The following IRF2BP2 variants were observed in gnomAD, a reference collection of about 807,000 sequenced individuals.
IRF2BP2 encodes the protein interferon regulatory factor 2 binding protein 2.
A neutral mutation model predicts 32.7 loss-of-function variants in IRF2BP2; 13 were observed. That is an observed-to-expected ratio of 0.40 (90% CI 0.26 to 0.63). IRF2BP2 has a LOEUF of 0.63. Among genes scored for constraint, IRF2BP2 ranks in the 30% least tolerant of loss-of-function variants. The probability of loss-of-function intolerance (pLI) is 0.42; values close to 1 mark genes in which losing one functional copy is unlikely to be tolerated. For missense variants in IRF2BP2, 980 were observed against 830.6 expected, an observed-to-expected ratio of 1.18 and a Z score of -2.21; for synonymous variants, 555 against 384.6, an observed-to-expected ratio of 1.44 and a Z score of -5.18.
Position 234,608,806 on chromosome 1 carries a change from G to C in IRF2BP2, c.689C>G (p.Thr230Ser). The C allele has an allele frequency of 7.1e-7, 1 of 1,409,242 alleles. No homozygotes were observed. The highest frequency in any genetic ancestry group is 9.2e-7 in the Non-Finnish European group (1 of 1,090,568). 87.3% of individuals were successfully genotyped at this position (1,409,242 alleles called of 1,614,324 possible). A position where few individuals can be genotyped will look rare whatever the true frequency, so the allele number is the denominator to read the frequency against. ...CGGCCGCTTGTGGGCGCCCAGATCG[G>C]TGGGCTGCGCGGAGCCCAGGCTGGC... Reference protein sequence around the residue: ...AAASLGSAQPTDLGAHKRPAS... With the variant: ...AAASLGSAQPSDLGAHKRPAS... Residue 230 changes from threonine (T) to serine (S), a missense_variant, in exon 1 of 2, where the codon ACC becomes AGC. Physicochemically the swap from Thr to Ser is moderately conservative, Grantham distance 58. Transcript: ENST00000366609.
rs1672128914 is a variant in IRF2BP2, at chr1:234,605,304, A to G, written c.*1833T>C. On this transcript the variant is annotated 3_prime_UTR_variant, in exon 2 of 2. Transcript: ENST00000366609. ...ACATAAGAGAGACCAGTCTGCACTG[A>G]GTCATATATACTCCAACTTGAAAAA... The G allele has an allele frequency of 1.3e-5, 2 of 152,264 alleles. No homozygotes were observed. The highest frequency in any genetic ancestry group is 2.9e-5 in the Non-Finnish European group (2 of 68,044). 9.4% of individuals were successfully genotyped at this position (152,264 alleles called of 1,614,324 possible). A position where few individuals can be genotyped will look rare whatever the true frequency, so the allele number is the denominator to read the frequency against.
At position 234,609,272 on chromosome 1, in the gene IRF2BP2, C is replaced by G; in HGVS notation, c.223G>C (p.Ala75Pro). ...GGCTTGGCGGCGGCCGAGGCCGCGG[C>G]GCCGGGTGGGGAGCGACCCTCCGGG... The part of the protein sequence containing the change: ...CFPEGRSPPG[A>P]AASAAAKPPP... The change falls in exon 1 of 2, where the codon GCC (alanine) becomes CCC (proline). Residue 75 changes from alanine (A) to proline (P), a missense_variant. Transcript: ENST00000366609. 1 of 1,397,484 alleles carries G rather than the reference C, an allele frequency of 7.2e-7. No homozygotes were observed. The highest frequency in any genetic ancestry group is 1.6e-5 in the South Asian group (1 of 63,410). 86.6% of individuals were successfully genotyped at this position (1,397,484 alleles called of 1,614,324 possible).
At position 234,609,682 on chromosome 1, in the gene IRF2BP2, C is replaced by A. The variant is rs1257941169; in HGVS notation, c.-188G>T. Among the ~76,000 whole-genome samples the A allele has an allele frequency of 6.9e-6, 1 of 144,334 alleles. No homozygotes were observed. Among genetic ancestry groups the A allele is most frequent in the Non-Finnish European group, 1.5e-5 (1 of 65,006 alleles). 94.7% of individuals were successfully genotyped at this position (144,334 alleles called of 152,430 possible). On this transcript the variant is annotated 5_prime_UTR_variant, in exon 1 of 2. Transcript: ENST00000366609. Reference sequence around the variant, plus strand: ...CCGCGAAGGCTCGGCGCCCGCGCAGCGCCCCCGGTGCACGAGGGGCGGCGG... The same window carrying A: ...CCGCGAAGGCTCGGCGCCCGCGCAGAGCCCCCGGTGCACGAGGGGCGGCGG...
chr1:234,608,626 C>T lies in IRF2BP2; in HGVS notation c.869G>A (p.Ser290Asn), dbSNP rs747213968. The change falls in exon 1 of 2, where the codon AGC becomes AAC. Residue 290 changes from serine to asparagine, a missense_variant. Transcript: ENST00000366609. ...CCAGTCCTGCTCTCCAGACCCGCGG[C>T]TCTTGCCCGCACCTTCCGCGCTCAG... is the stretch of plus-strand genomic sequence containing the variant. ...AELSAEGAGK[S>N]RGSGEQDWVN... 1.3e-6 allele frequency: 2 copies of T among 1,571,026 alleles called. No individual in the cohort carries two copies. The highest frequency in any genetic ancestry group is 1.4e-5 in the African/African-American group (1 of 71,886).
chr1:234,608,508 C>CGAG lies in IRF2BP2; in HGVS notation c.986_987insCTC (p.Pro329_Ala330insSer). On this transcript the variant is annotated inframe_insertion, in exon 1 of 2. Transcript: ENST00000366609. Reference sequence around the variant, plus strand: ...CCAACAACCTGCCTGCAGTCAGGGCCGGCTCCTTCTTAAACTTGCTCTCGA... The same window carrying CGAG: ...CCAACAACCTGCCTGCAGTCAGGGCCGAGGGCTCCTTCTTAAACTTGCTCTCGA... The CGAG allele has an allele frequency of 6.2e-7, 1 of 1,609,826 alleles. No individual in the cohort carries two copies. Among genetic ancestry groups the CGAG allele is most frequent in the East Asian group, 2.2e-5 (1 of 44,688 alleles).
At position 234,606,979 on chromosome 1, in the gene IRF2BP2, T is replaced by C. The variant is rs966886803; in HGVS notation, c.*158A>G. 36 of 597,492 alleles carry C rather than the reference T, an allele frequency of 6.0e-5. No individual in the cohort carries two copies. The highest frequency in any genetic ancestry group is 2.8e-4 in the African/African-American group (15 of 53,984). The allele number at this position is 597,492 out of a possible 1,614,324, so 37.0% of individuals were successfully genotyped here. A position where few individuals can be genotyped will look rare whatever the true frequency, so the allele number is the denominator to read the frequency against. ...ATACCTTTTGTCGTCAAAAAAAATA[T>C]AGAAACACAATGTATTCAAAAAAAA... is the stretch of plus-strand genomic sequence containing the variant. On this transcript the variant is annotated 3_prime_UTR_variant, in exon 2 of 2. Coordinates refer to ENST00000366609, the MANE Select transcript of IRF2BP2 (RefSeq NM_182972.3).
rs1250308376 is a variant in IRF2BP2, at chr1:234,609,520, G to A, written c.-26C>T. 24 of 1,383,676 alleles carry A rather than the reference G, an allele frequency of 1.7e-5. 1 individual carries two copies. The highest frequency in any genetic ancestry group is 5.4e-5 in the Admixed American group (2 of 36,960). 85.7% of individuals were successfully genotyped at this position (1,383,676 alleles called of 1,614,324 possible). On this transcript the variant is annotated 5_prime_UTR_variant, in exon 1 of 2. Transcript: ENST00000366609. The stretch of plus-strand genomic sequence containing the variant: ...GTCCGAGGAGCCCGCGACGCCGGAG[G>A]AGGAGGCGGAGGAGGAGGAGGGGGC...
intron 1 of IRF2BP2, among the ~76,000 whole-genome samples, 165 bp downstream of exon 1, chr1:234,608,282 A>C (rs578039224): frequency 1.6e-4 from 25 of 152,370 alleles, no homozygotes; most frequent in African/African-American, 5.5e-4. Context: ...GCTTCAGCAC[A>C]TGAACACGTT....
chr1:234,608,009 T>A (rs145670637), intron 1 of IRF2BP2, 157 bp from the exon 2 acceptor site: 3 of 625,698 alleles, frequency 4.8e-6, no homozygotes, highest in Non-Finnish European at 8.2e-6. Context: ...CAGGTGCACA[T>A]GCAACTTAAA....
At position 234,607,527 on chromosome 1, in the gene IRF2BP2, C is replaced by G. The variant is rs1454553100; in HGVS notation, c.1374G>C (p.Pro458=). The G allele has an allele frequency of 2.5e-6, 4 of 1,614,026 alleles. No homozygotes were observed. The highest frequency in any genetic ancestry group is 3.4e-6 in the Non-Finnish European group (4 of 1,179,980). The change falls in exon 2 of 2, where the codon CCG becomes CCC. Residue 458 remains proline (P), a synonymous_variant. Coordinates refer to ENST00000366609, the MANE Select transcript of IRF2BP2 (RefSeq NM_182972.3). ...HSTTRRNSNS[P]PSPSSMNQRR... is the part of the protein sequence containing the mutation. Reference sequence around the variant, plus strand: ...TTTGGTTCATAGAGGACGGAGAGGGCGGACTGTTGCTATTCCTCCTGGTAG... The same window carrying G: ...TTTGGTTCATAGAGGACGGAGAGGGGGGACTGTTGCTATTCCTCCTGGTAG...
Position 234,607,262 on chromosome 1 carries a change from C to G in IRF2BP2, c.1639G>C (p.Val547Leu). The change falls in exon 2 of 2, where the codon GTC becomes CTC. Residue 547 changes from valine to leucine, a missense_variant. Transcript: ENST00000366609. ...SIKQQGASGEVYCPSGEKCPL... is the reference protein window; with the variant it reads ...SIKQQGASGELYCPSGEKCPL... Reference sequence around the variant, plus strand: ...CATTTTTCCCCACTGGGACAATAGACCTCTCCACTAGCTCCCTGCTGTTTG... The same window carrying G: ...CATTTTTCCCCACTGGGACAATAGAGCTCTCCACTAGCTCCCTGCTGTTTG... The G allele has an allele frequency of 1.2e-6, 2 of 1,614,218 alleles. No individual in the cohort carries two copies. Among genetic ancestry groups the G allele is most frequent in the Non-Finnish European group, 1.7e-6 (2 of 1,180,036 alleles).
rs1365641223 is a variant in IRF2BP2 at position 234,604,912 on chromosome 1, C to A, written c.*2225G>T. 1 of 152,184 alleles carries A rather than the reference C, an allele frequency of 6.6e-6. No individual in the cohort carries two copies. The highest frequency in any genetic ancestry group is 1.5e-5 in the Non-Finnish European group (1 of 68,022). 9.4% of individuals were successfully genotyped at this position (152,184 alleles called of 1,614,324 possible). A position where few individuals can be genotyped will look rare whatever the true frequency, so the allele number is the denominator to read the frequency against. On this transcript the variant is annotated 3_prime_UTR_variant, in exon 2 of 2. Transcript: ENST00000366609. ...CACCCAAAGGCCAGTCAGACTCGTGCAGATCTTATTTTTTAATAGTAGTAA... is the reference window on the plus strand; with the variant it reads ...CACCCAAAGGCCAGTCAGACTCGTGAAGATCTTATTTTTTAATAGTAGTAA...
rs148187914 is a variant in IRF2BP2, at chr1:234,609,143, G to A, written c.352C>T (p.Pro118Ser). Residue 118 changes from proline (P) to serine (S), a missense_variant, in exon 1 of 2, where the codon CCG (proline) becomes TCG (serine). By Grantham distance (74) the Pro-to-Ser change is moderately conservative. Transcript: ENST00000366609. The part of the protein sequence containing the change: ...PRAPQALERY[P>S]LAAAAERPPR... ...GGCCTCTCGGCCGCGGCCGCCAACG[G>A]GTAGCGCTCCAAGGCCTGCGGCGCG... is the stretch of plus-strand genomic sequence containing the variant. 0.016 allele frequency: 20,301 copies of A among 1,241,446 alleles called. 214 individuals are homozygous for A. The highest frequency in any genetic ancestry group is 0.034 in the Middle Eastern group (106 of 3,150). 76.9% of individuals were successfully genotyped at this position (1,241,446 alleles called of 1,614,324 possible).
rs1258774241 is a variant in IRF2BP2 at position 234,609,919 on chromosome 1, G to GCGGGGAGGC, written c.-434_-426dup. Among the ~76,000 whole-genome samples the GCGGGGAGGC allele has an allele frequency of 4.2e-5, 6 of 141,342 alleles. No homozygotes were observed. Among genetic ancestry groups the GCGGGGAGGC allele is most frequent in the African/African-American group, 1.3e-4 (5 of 39,600 alleles). 92.7% of individuals were successfully genotyped at this position (141,342 alleles called of 152,430 possible). A position where few individuals can be genotyped will look rare whatever the true frequency, so the allele number is the denominator to read the frequency against. ...GCCGGCACGGAGTGCGGGGCGGGGG[G>GCGGGGAGGC]CGGGGAGGCCGGGGGGGCAGGGGGC... On this transcript the variant is annotated 5_prime_UTR_variant, in exon 1 of 2. Transcript: ENST00000366609.
Position 234,607,076 on chromosome 1 carries a change from A to G in IRF2BP2, c.*61T>C, listed in dbSNP as rs1353102192. 9.1e-7 allele frequency: 1 copy of G among 1,100,514 alleles called. No individual in the cohort carries two copies. Among genetic ancestry groups the G allele is most frequent in the African/African-American group, 1.6e-5 (1 of 63,736 alleles). 68.2% of individuals were successfully genotyped at this position (1,100,514 alleles called of 1,614,324 possible). On this transcript the variant is annotated 3_prime_UTR_variant, in exon 2 of 2. Transcript: ENST00000366609. Reference sequence around the variant, plus strand: ...TGGATATATATATATATGGAGATATATATACAATTCAAGCAGTTTTAATTA... The same window carrying G: ...TGGATATATATATATATGGAGATATGTATACAATTCAAGCAGTTTTAATTA...
Position 234,604,603 on chromosome 1 carries a change from TA to T in IRF2BP2, c.*2533del, listed in dbSNP as rs1395849797. The stretch of plus-strand genomic sequence containing the variant: ...GCCACATGAAAGACAGTACATCTGT[TA>T]AATTCTATAAATTGTTAAAAGCAAA... On this transcript the variant is annotated 3_prime_UTR_variant, in exon 2 of 2. Coordinates refer to ENST00000366609, the MANE Select transcript of IRF2BP2 (RefSeq NM_182972.3). The T allele has an allele frequency of 1.3e-5, 2 of 152,246 alleles. No individual in the cohort carries two copies. Among genetic ancestry groups the T allele is most frequent in the Admixed American group, 1.3e-4 (2 of 15,292 alleles). The allele number at this position is 152,246 out of a possible 1,614,324, so 9.4% of individuals were successfully genotyped here.
In IRF2BP2 at chr1:234,607,721, T is replaced by G. The variant is rs138385624; in HGVS notation, c.1180A>C (p.Thr394Pro). 8.3e-5 allele frequency: 134 copies of G among 1,614,054 alleles called. No homozygotes were observed. Among genetic ancestry groups the G allele is most frequent in the Non-Finnish European group, 1.1e-4 (130 of 1,180,044 alleles). ...GGTGGCGGAGACACAAAAGAGGATG[T>G]AGGAGTCATGGGGATCTTGAGCCCC... The part of the protein sequence containing the change: ...TEGLKIPMTP[T>P]SSFVSPPPPT... The change falls in exon 2 of 2, where the codon ACA becomes CCA. Residue 394 changes from threonine to proline, a missense_variant. Coordinates refer to ENST00000366609, the MANE Select transcript of IRF2BP2 (RefSeq NM_182972.3).
Position 234,607,576 on chromosome 1 carries a change from T to A in IRF2BP2, c.1325A>T (p.Lys442Ile). 6.2e-7 allele frequency: 1 copy of A among 1,614,232 alleles called. No individual in the cohort carries two copies. Among genetic ancestry groups the A allele is most frequent in the Non-Finnish European group, 8.5e-7 (1 of 1,180,038 alleles). The change falls in exon 2 of 2, where the codon AAA (lysine) becomes ATA (isoleucine). Residue 442 changes from lysine (K) to isoleucine (I), a missense_variant. By Grantham distance (102) the Lys-to-Ile change is moderately radical. Coordinates refer to ENST00000366609, the MANE Select transcript of IRF2BP2 (RefSeq NM_182972.3). ...AGTGGAGTGAACCTGGTTGGCATCT[T>A]TTGAGGCATGACTGCCCCCTGCATT... Reference protein sequence around the residue: ...ADNAGGSHASKDANQVHSTTR... With the variant: ...ADNAGGSHASIDANQVHSTTR...
chr1:234,609,764 G>C lies in IRF2BP2; in HGVS notation c.-270C>G, dbSNP rs991003828. Among the ~76,000 whole-genome samples the C allele has an allele frequency of 1.5e-4, 21 of 144,228 alleles. No homozygotes were observed. Among genetic ancestry groups the C allele is most frequent in the Admixed American group, 7.5e-4 (11 of 14,654 alleles). The allele number at this position is 144,228 out of a possible 152,430, so 94.6% of individuals were successfully genotyped here. A position where few individuals can be genotyped will look rare whatever the true frequency, so the allele number is the denominator to read the frequency against. On this transcript the variant is annotated 5_prime_UTR_variant, in exon 1 of 2. Transcript: ENST00000366609. ...AGTTCCCCCCGGCCGGCCCGGGCAC[G>C]GGCGGGCGGCGCGGCGCGGCGGGGC...
Sources: allele counts gnomAD v4.1 joint callset (sites outside exome capture counted in the v4.1 genomes callset), GRCh38; gene constraint gnomAD v4.1.1; transcripts MANE v1.5; gene names NCBI Gene and HGNC (gene_info 2026-07-23, HGNC 2026-07-21).